Variants in TMEM132B observed in about 807,000 individuals in gnomAD.
The protein encoded by TMEM132B is transmembrane protein 132B.
A neutral mutation model predicts 90.8 loss-of-function variants in TMEM132B; 18 were observed. The observed-to-expected ratio is 0.20, with a 90% CI of 0.14 to 0.29. The LOEUF (loss-of-function observed/expected upper bound fraction) is 0.29, where lower values mean the gene tolerates loss of function less well. TMEM132B is among the 10% of genes least tolerant of loss of function. The pLI is 1.00. For synonymous variants in TMEM132B, 504 were observed against 523.3 expected, an observed-to-expected ratio of 0.96 and a Z score of 0.50; for missense variants, 1,096 against 1,326.8, an observed-to-expected ratio of 0.83 and a Z score of 2.70.
At chr12:125,563,273 C>G (rs1396017092) in intron 4 of TMEM132B, among the ~76,000 whole-genome samples, 1 of 151,970 alleles carries the variant, frequency 6.6e-6, no homozygotes, top group Non-Finnish European at 1.5e-5. Flanking sequence ...TGCTAATAGA[C>G]TTGCTCGATG....
At position 125,349,358 on chromosome 12, in the gene TMEM132B, C is replaced by T. The variant is rs148825458; in HGVS notation, c.68-94C>T. The T allele has an allele frequency of 5.7e-5, 78 of 1,379,604 alleles. No homozygotes were observed. Among genetic ancestry groups the T allele is most frequent in the African/African-American group, 4.5e-4 (31 of 69,042 alleles). 85.5% of individuals were successfully genotyped at this position (1,379,604 alleles called of 1,614,324 possible). ...TGGGGGAGAAACAGTGGCCAGTGGG[C>T]GGTTTGTTGGGGAGGTGGGTGGAGA... On this transcript the variant is annotated intron_variant, in intron 1 of 8. Transcript: ENST00000682704. This position sits in a 1 kb window ranked among gnomAD's most constrained non-coding sequence, Gnocchi z 4.1.
chr12:125,315,982 C>G (rs910482286), intron 1 of TMEM132B, among the ~76,000 whole-genome samples: 1 of 152,138 alleles, frequency 6.6e-6, no homozygotes, highest in Admixed American at 6.5e-5. Flanking sequence ...AGCATCCCCC[C>G]CTCACCTGGC....
At chr12:125,471,343 A>C (rs1881714791) in intron 3 of TMEM132B, among the ~76,000 whole-genome samples, 1 of 152,218 alleles carries the variant, frequency 6.6e-6, no homozygotes, top group Non-Finnish European at 1.5e-5. Context: ...ATGAACACAG[A>C]CTTTGGCCTT....
At chr12:125,340,430 A>G (rs1268236064) in intron 1 of TMEM132B, among the ~76,000 whole-genome samples, 2 of 152,056 alleles carry the variant, frequency 1.3e-5, no homozygotes, top group African/African-American at 4.8e-5. Context: ...ATGAAGAGAC[A>G]CACCCATCTA....
intron 3 of TMEM132B, among the ~76,000 whole-genome samples, chr12:125,475,937 T>G (rs1008281482): frequency 8.5e-5 from 13 of 152,344 alleles, no homozygotes; most frequent in African/African-American, 3.1e-4. Flanking sequence ...TTCTTGAGCA[T>G]AAGAGTGTGA....
chr12:125,321,866 C>T (rs1303519253), intron 1 of TMEM132B, among the ~76,000 whole-genome samples: 1 of 152,032 alleles, frequency 6.6e-6, no homozygotes, highest in Non-Finnish European at 1.5e-5. Flanking sequence ...AAAAAAAGAC[C>T]TGTTTATAAA....
At chr12:125,340,717 G>A (rs1382130948) in intron 1 of TMEM132B, among the ~76,000 whole-genome samples, 2 of 152,214 alleles carry the variant, frequency 1.3e-5, no homozygotes, top group African/African-American at 4.8e-5. Context: ...AGTGTACAAC[G>A]TTGGGTTTTC....
At chr12:125,366,079 T>C (rs1006552668) in intron 2 of TMEM132B, among the ~76,000 whole-genome samples, 1 of 152,024 alleles carries the variant, frequency 6.6e-6, no homozygotes, top group African/African-American at 2.4e-5. Flanking sequence ...AGGCCCACTT[T>C]CTTTTTTTTT....
intron 4 of TMEM132B, among the ~76,000 whole-genome samples, chr12:125,544,187 G>A (rs1418985033): frequency 6.6e-6 from 1 of 152,142 alleles, no homozygotes; most frequent in Non-Finnish European, 1.5e-5. Flanking sequence ...ACTGGGCCCT[G>A]TTGCAGGAGG....
chr12:125,386,040 T>G (rs547284223), intron 2 of TMEM132B, among the ~76,000 whole-genome samples: 26 of 152,290 alleles, frequency 1.7e-4, no homozygotes, highest in African/African-American at 6.3e-4. Flanking sequence ...TTGCCCAGGT[T>G]GGAGTGCAGT....
intron 1 of TMEM132B, among the ~76,000 whole-genome samples, chr12:125,233,177 C>G: frequency 6.6e-6 from 1 of 152,160 alleles, no homozygotes; most frequent in East Asian, 1.9e-4. Context: ...GGTTACTGGT[C>G]CCTCAACAGT....
intron 1 of TMEM132B, among the ~76,000 whole-genome samples, chr12:125,329,794 G>A (rs1197430581): frequency 1.3e-5 from 2 of 152,202 alleles, no homozygotes; most frequent in African/African-American, 4.8e-5. Flanking sequence ...AACAGGAACA[G>A]CTTTCAGGCC....
intron 1 of TMEM132B, among the ~76,000 whole-genome samples, chr12:125,200,564 G>A (rs1274466767): frequency 2.6e-5 from 4 of 152,180 alleles, no homozygotes; most frequent in Non-Finnish European, 4.4e-5. Context: ...CTCAGGCATA[G>A]AAAGGGAGTT....
chr12:125,322,624 A>G (rs1876459836), intron 1 of TMEM132B, among the ~76,000 whole-genome samples: 1 of 152,210 alleles, frequency 6.6e-6, no homozygotes, highest in African/African-American at 2.4e-5. Flanking sequence ...AAACTCATCA[A>G]ACCATACACT....
At chr12:125,217,287 C>T (rs1013004442) in intron 1 of TMEM132B, among the ~76,000 whole-genome samples, 10 of 152,078 alleles carry the variant, frequency 6.6e-5, no homozygotes, top group South Asian at 2.1e-4. Context: ...GGCTGGGGGC[C>T]GGGTACATGG....
intron 1 of TMEM132B, among the ~76,000 whole-genome samples, chr12:125,200,749 T>A (rs1476935040): frequency 2.0e-5 from 3 of 152,134 alleles, no homozygotes; most frequent in African/African-American, 7.2e-5. Flanking sequence ...CTAGGGGCAG[T>A]TGGGAGATGG....
intron 1 of TMEM132B, among the ~76,000 whole-genome samples, chr12:125,224,999 C>T (rs939987281): frequency 6.6e-6 from 1 of 152,226 alleles, no homozygotes; most frequent in Admixed American, 6.5e-5. Context: ...AGATGTAGAC[C>T]TTCCTCATCC....
chr12:125,636,413 G>A (rs903662720), intron 5 of TMEM132B, among the ~76,000 whole-genome samples: 12 of 152,118 alleles, frequency 7.9e-5, no homozygotes, highest in African/African-American at 2.9e-4. Flanking sequence ...GTTTCTTGTA[G>A]CTCTCCTAAT....
At chr12:125,606,535 A>G (rs1885700912) in intron 5 of TMEM132B, among the ~76,000 whole-genome samples, 1 of 152,170 alleles carries the variant, frequency 6.6e-6, no homozygotes, top group Admixed American at 6.5e-5. Flanking sequence ...ATGTGAGTGT[A>G]TGCATGTTTG....
Sources: allele counts gnomAD v4.1 joint callset (sites outside exome capture counted in the v4.1 genomes callset), GRCh38; gene constraint gnomAD v4.1.1; non-coding constraint Gnocchi (gnomAD v3.1); transcripts MANE v1.5; gene names NCBI Gene and HGNC (gene_info 2026-07-23, HGNC 2026-07-21).